The following AAK1 variants were observed in gnomAD, a reference collection of about 807,000 sequenced individuals.
AAK1 encodes AP2 associated kinase 1, also known as AP2-associated protein kinase 1.
A neutral mutation model predicts 116.0 loss-of-function variants in AAK1; 37 were observed. That is an observed-to-expected ratio of 0.32 (90% CI 0.25 to 0.42). AAK1 has a LOEUF of 0.42. AAK1 is among the 10% of genes least tolerant of loss of function. AAK1 has a pLI of 1.00. For missense variants in AAK1, 919 were observed against 1,170.6 expected, an observed-to-expected ratio of 0.79 and a Z score of 3.14; for synonymous variants, 458 against 439.9, an observed-to-expected ratio of 1.04 and a Z score of -0.51.
Position 69,468,919 on chromosome 2 carries a change from A to G in AAK1, c.*6950T>C, listed in dbSNP as rs1222190760. ...ACTCAGAGCATATTCTATGACCTTC[A>G]TGATGAGTACTGGGAAAATCAGACT... On this transcript the variant is annotated 3_prime_UTR_variant, in exon 22 of 22. Transcript: ENST00000409085. 2 of 985,346 alleles carry G rather than the reference A, an allele frequency of 2.0e-6. No homozygotes were observed. The highest frequency in any genetic ancestry group is 3.5e-5 in the African/African-American group (2 of 57,252). The allele number at this position is 985,346 out of a possible 1,614,324, so 61.0% of individuals were successfully genotyped here.
intron 17 of AAK1, among the ~76,000 whole-genome samples, chr2:69,485,006 C>T (rs1475243432): frequency 6.6e-6 from 1 of 152,128 alleles, no homozygotes; most frequent in Non-Finnish European, 1.5e-5. Flanking sequence ...ATTAACCTTA[C>T]ACTGTATATG....
chr2:69,470,698 C>G lies in AAK1; in HGVS notation c.*5171G>C. 1.0e-6 allele frequency: 1 copy of G among 985,450 alleles called. No individual in the cohort carries two copies. The highest frequency in any genetic ancestry group is 1.2e-6 in the Non-Finnish European group (1 of 829,930). The allele number at this position is 985,450 out of a possible 1,614,324, so 61.0% of individuals were successfully genotyped here. A position where few individuals can be genotyped will look rare whatever the true frequency, so the allele number is the denominator to read the frequency against. ...TGAGTCTGGTCATATCCAGTGTAGG[C>G]TGGCAGGCGTCTTATTCTCCTTGAG... On this transcript the variant is annotated 3_prime_UTR_variant, in exon 22 of 22. Coordinates refer to ENST00000409085, the MANE Select transcript of AAK1 (RefSeq NM_014911.5).
chr2:69,519,268 G>T, intron 11 of AAK1, 28 bp from the exon 12 acceptor site: 1 of 1,494,824 alleles, frequency 6.7e-7, no homozygotes, highest in African/African-American at 1.4e-5. Context: ...TCCATGTAAG[G>T]GTTCCAAATG....
rs1236381572 is a variant in AAK1, at chr2:69,498,423, G to C, written c.2270-2343C>G. Among the ~76,000 whole-genome samples, 3 of 151,682 alleles carry C rather than the reference G, an allele frequency of 2.0e-5. No homozygotes were observed. The East Asian group carries it at 5.9e-4, about 30-fold the overall frequency. On this transcript the variant is annotated intron_variant, in intron 16 of 21. Coordinates refer to ENST00000409085, the MANE Select transcript of AAK1 (RefSeq NM_014911.5). ...GAGGAGGATGCTCTGGGGTCTACTG[G>C]GCAGCTGTGATGACATGGGAGAGTT... is the stretch of plus-strand genomic sequence containing the variant.
At chr2:69,529,896 T>C in intron 8 of AAK1, 112 bp downstream of exon 8, 1 of 974,718 alleles carries the variant, frequency 1.0e-6, no homozygotes, top group Middle Eastern at 3.4e-4. Context: ...ATCAACTAAT[T>C]TCTTTACCTT....
chr2:69,544,192 C>T (rs1670834230), intron 4 of AAK1: 2 of 431,074 alleles, frequency 4.6e-6, no homozygotes, highest in African/African-American at 2.0e-5. Flanking sequence ...TCTTACACAT[C>T]TTCATTTATA....
At chr2:69,567,636 G>A (rs769240797) in intron 2 of AAK1, among the ~76,000 whole-genome samples, 5 of 152,198 alleles carry the variant, frequency 3.3e-5, no homozygotes, top group Admixed American at 3.3e-4. Flanking sequence ...GAAGGTTAGA[G>A]TCTAGTATGG....
chr2:69,465,633 G>C lies in AAK1; in HGVS notation c.*10236C>G. 1 of 1,290,926 alleles carries C rather than the reference G, an allele frequency of 7.7e-7. No individual in the cohort carries two copies. Among genetic ancestry groups the C allele is most frequent in the South Asian group, 1.2e-5 (1 of 81,032 alleles). 80.0% of individuals were successfully genotyped at this position (1,290,926 alleles called of 1,614,324 possible). ...TGGGCTATAGTGACGGGAATACTTGGATAAGGACTGGGGGCGGAATGGTTT... is the reference window on the plus strand; with the variant it reads ...TGGGCTATAGTGACGGGAATACTTGCATAAGGACTGGGGGCGGAATGGTTT... On this transcript the variant is annotated 3_prime_UTR_variant, in exon 22 of 22. Transcript: ENST00000409085.
At chr2:69,479,134 G>C in intron 19 of AAK1, 73 bp from the exon 20 acceptor site, 1 of 1,055,708 alleles carries the variant, frequency 9.5e-7, no homozygotes. Context: ...CATGAGATTA[G>C]ATCTTAGCTT....
intron 2 of AAK1, among the ~76,000 whole-genome samples, chr2:69,583,587 G>A (rs1264540061): frequency 6.6e-6 from 1 of 152,334 alleles, no homozygotes; most frequent in East Asian, 1.9e-4. Context: ...TACAAGCAGT[G>A]TGTCCACATC....
At chr2:69,551,698 G>A (rs969154758) in intron 3 of AAK1, among the ~76,000 whole-genome samples, 2 of 152,192 alleles carry the variant, frequency 1.3e-5, no homozygotes, top group African/African-American at 2.4e-5. Flanking sequence ...TAGGTCTGAA[G>A]ATAATTAATC....
At chr2:69,606,518 T>A (rs1673803432) in intron 2 of AAK1, among the ~76,000 whole-genome samples, 1 of 152,032 alleles carries the variant, frequency 6.6e-6, no homozygotes, top group African/African-American at 2.4e-5. Flanking sequence ...ATGATAAAAA[T>A]CTGTAGGTCA....
At chr2:69,551,390 A>G (rs1671178410) in intron 3 of AAK1, among the ~76,000 whole-genome samples, 1 of 152,218 alleles carries the variant, frequency 6.6e-6, no homozygotes, top group Non-Finnish European at 1.5e-5. Context: ...GTACCCTGGA[A>G]CTTAAAAGTT....
chr2:69,590,054 A>G (rs1056535396), intron 2 of AAK1, among the ~76,000 whole-genome samples: 1 of 152,160 alleles, frequency 6.6e-6, no homozygotes, highest in African/African-American at 2.4e-5. Context: ...CTCACTAGGG[A>G]CGACCAGCAA....
rs1480774792 is a variant in AAK1 at position 69,473,005 on chromosome 2, C to T, written c.*2864G>A. The T allele has an allele frequency of 3.1e-6, 3 of 981,178 alleles. No individual in the cohort carries two copies. The highest frequency in any genetic ancestry group is 6.1e-5 in the Admixed American group (1 of 16,266). 60.8% of individuals were successfully genotyped at this position (981,178 alleles called of 1,614,324 possible). A position where few individuals can be genotyped will look rare whatever the true frequency, so the allele number is the denominator to read the frequency against. On this transcript the variant is annotated 3_prime_UTR_variant, in exon 22 of 22. Coordinates refer to ENST00000409085, the MANE Select transcript of AAK1 (RefSeq NM_014911.5). ...ACTACAGAAGATAACTGAAGAACAT[C>T]AGGATTATATAAATCCTTCATAGCC...
At position 69,466,981 on chromosome 2, in the gene AAK1, C is replaced by T; in HGVS notation, c.*8888G>A. 3 of 985,416 alleles carry T rather than the reference C, an allele frequency of 3.0e-6. No homozygotes were observed. Among genetic ancestry groups the T allele is most frequent in the Non-Finnish European group, 3.6e-6 (3 of 829,918 alleles). The allele number at this position is 985,416 out of a possible 1,614,324, so 61.0% of individuals were successfully genotyped here. On this transcript the variant is annotated 3_prime_UTR_variant, in exon 22 of 22. Transcript: ENST00000409085. ...GGGGATGACTCAATTCAGAATCTGG[C>T]ATGTGGTCATCCGCGCCACATGCAG...
rs1397109328 is a variant in AAK1 at position 69,643,087 on chromosome 2, T to A, written c.-47A>T. 4.1e-5 allele frequency: 19 copies of A among 463,928 alleles called. No homozygotes were observed. The highest frequency in any genetic ancestry group is 7.9e-4 in the Middle Eastern group (1 of 1,258). The allele number at this position is 463,928 out of a possible 1,614,324, so 28.7% of individuals were successfully genotyped here. On this transcript the variant is annotated 5_prime_UTR_variant, in exon 2 of 22. Coordinates refer to ENST00000409085, the MANE Select transcript of AAK1 (RefSeq NM_014911.5). The stretch of plus-strand genomic sequence containing the variant: ...AGCAAAATACCGATGGTTTCTAGAT[T>A]TTTTTTTTTTTTTTTTTTTTTTAAG...
At chr2:69,642,130 TGCA>T (rs1387872947) in intron 2 of AAK1, among the ~76,000 whole-genome samples, 2 of 152,134 alleles carry the variant, frequency 1.3e-5, no homozygotes, top group African/African-American at 4.8e-5. Flanking sequence ...AGGGAATTTA[TGCA>T]GCAGATCTAA....
intron 13 of AAK1, among the ~76,000 whole-genome samples, chr2:69,513,444 C>G (rs1039583452): frequency 6.6e-6 from 1 of 152,076 alleles, no homozygotes; most frequent in African/African-American, 2.4e-5. Context: ...CTCAGCCTCC[C>G]GAGTAGCTGG....
Sources: gnomAD v4.1 joint callset for allele counts (sites outside exome capture counted in the v4.1 genomes callset) on GRCh38, gnomAD v4.1.1 for gene constraint, MANE v1.5 for transcripts, NCBI Gene and HGNC (gene_info 2026-07-23, HGNC 2026-07-21) for gene names.